The following CNTNAP2 variants were observed in gnomAD, a reference collection of about 807,000 sequenced individuals.
The protein encoded by CNTNAP2 is contactin-associated protein-like 2.
In CNTNAP2, 98 loss-of-function variants were observed where a neutral mutation model predicts 155.2. That is an observed-to-expected ratio of 0.63 (90% CI 0.54 to 0.75). The LOEUF (loss-of-function observed/expected upper bound fraction) is 0.75, where lower values mean the gene tolerates loss of function less well. CNTNAP2 is among the 30% of genes least tolerant of loss of function. The probability of loss-of-function intolerance (pLI) is 0.00; values close to 1 mark genes in which losing one functional copy is unlikely to be tolerated. For synonymous variants in CNTNAP2, 651 were observed against 631.2 expected, an observed-to-expected ratio of 1.03 and a Z score of -0.47; for missense variants, 1,727 against 1,688.1, an observed-to-expected ratio of 1.02 and a Z score of -0.40.
At chr7:146,888,213 C>A (rs961283046) in intron 3 of CNTNAP2, among the ~76,000 whole-genome samples, 18 of 152,008 alleles carry the variant, frequency 1.2e-4, no homozygotes, top group Admixed American at 4.6e-4. Context: ...ATTTAACCTT[C>A]ATTAAATATA....
In CNTNAP2 at chr7:146,839,731, T is replaced by A. The variant is rs763922715; in HGVS notation, c.229T>A (p.Ser77Thr). 6 of 1,614,192 alleles carry A rather than the reference T, an allele frequency of 3.7e-6. No individual in the cohort carries two copies. The highest frequency in any genetic ancestry group is 5.1e-6 in the Non-Finnish European group (6 of 1,180,030). Residue 77 changes from serine to threonine, a missense_variant, in exon 3 of 24, where the codon TCA (serine) becomes ACA (threonine). Ser to Thr is a moderately conservative substitution (Grantham distance 58, BLOSUM62 1). Coordinates refer to ENST00000361727, the MANE Select transcript of CNTNAP2 (RefSeq NM_014141.6). The part of the protein sequence containing the change: ...KRGGAGGWSP[S>T]DSDHYQWLQV... ...TTCAGGTGCTGGGGGATGGTCTCCA[T>A]CAGACAGCGACCATTATCAATGGCT...
intron 3 of CNTNAP2, among the ~76,000 whole-genome samples, chr7:146,926,449 A>T (rs910019566): frequency 6.6e-6 from 1 of 152,096 alleles, no homozygotes; most frequent in Non-Finnish European, 1.5e-5. Flanking sequence ...AAACTTTTCC[A>T]TGAATTAGAC....
intron 1 of CNTNAP2, among the ~76,000 whole-genome samples, chr7:146,422,872 A>C (rs1796032465): frequency 2.0e-5 from 3 of 152,148 alleles, no homozygotes; most frequent in Admixed American, 2.0e-4. Context: ...AATTAATTAA[A>C]ATATGCCTTA....
intron 1 of CNTNAP2, among the ~76,000 whole-genome samples, chr7:146,723,932 T>G (rs956694553): frequency 1.3e-5 from 2 of 152,182 alleles, no homozygotes; most frequent in African/African-American, 4.8e-5. Context: ...TTTAATTTAT[T>G]GAGGCTTTTT....
chr7:147,870,469 G>T (rs1209941408), intron 13 of CNTNAP2, among the ~76,000 whole-genome samples: 2 of 152,110 alleles, frequency 1.3e-5, no homozygotes, highest in African/African-American at 2.4e-5. Context: ...TTGATGTGGT[G>T]GTGGATCCCA....
At chr7:146,854,912 C>T (rs1794947643) in intron 3 of CNTNAP2, among the ~76,000 whole-genome samples, 2 of 151,866 alleles carry the variant, frequency 1.3e-5, no homozygotes, top group South Asian at 4.1e-4. Context: ...GGATGAATGC[C>T]TAAATTTATT....
intron 1 of CNTNAP2, among the ~76,000 whole-genome samples, chr7:146,395,392 C>T (rs569660639): frequency 4.6e-5 from 7 of 152,118 alleles, no homozygotes; most frequent in African/African-American, 1.4e-4. Flanking sequence ...TTCAAATAAG[C>T]GGTAGTTTAC....
chr7:147,744,434 T>C (rs1401409436), intron 13 of CNTNAP2, among the ~76,000 whole-genome samples: 2 of 152,338 alleles, frequency 1.3e-5, no homozygotes, highest in East Asian at 3.9e-4. Flanking sequence ...TTCAACTTTA[T>C]ATGCCAGTGG....
intron 1 of CNTNAP2, among the ~76,000 whole-genome samples, chr7:146,594,001 G>A (rs891142388): frequency 6.6e-6 from 1 of 152,110 alleles, no homozygotes; most frequent in Non-Finnish European, 1.5e-5. Flanking sequence ...TCCAGGTGAT[G>A]TGAAGGGAAT....
chr7:147,587,401 C>T (rs1800651277), intron 12 of CNTNAP2, among the ~76,000 whole-genome samples: 2 of 152,174 alleles, frequency 1.3e-5, no homozygotes, highest in Admixed American at 6.5e-5. Context: ...AGCCAGACAA[C>T]ACATGCAATT....
intron 15 of CNTNAP2, among the ~76,000 whole-genome samples, chr7:148,026,081 C>A (rs1802369790): frequency 6.6e-6 from 1 of 152,090 alleles, no homozygotes; most frequent in Non-Finnish European, 1.5e-5. Flanking sequence ...TCCCTTAGGA[C>A]AAAGCAGGCA....
At chr7:147,818,921 T>A (rs748424176) in intron 13 of CNTNAP2, among the ~76,000 whole-genome samples, 1 of 152,148 alleles carries the variant, frequency 6.6e-6, no homozygotes, top group Non-Finnish European at 1.5e-5. Context: ...TAAAATAATA[T>A]CCTTCAAGGT....
At chr7:148,198,145 C>T (rs1306238969) in intron 18 of CNTNAP2, among the ~76,000 whole-genome samples, 1 of 152,180 alleles carries the variant, frequency 6.6e-6, no homozygotes, top group East Asian at 1.9e-4. Flanking sequence ...GGGACTGACC[C>T]AAGCCTGTAG....
At chr7:148,138,449 G>A (rs967502352) in intron 16 of CNTNAP2, among the ~76,000 whole-genome samples, 1 of 152,068 alleles carries the variant, frequency 6.6e-6, no homozygotes, top group Non-Finnish European at 1.5e-5. Context: ...TTGATGAACT[G>A]GCTCTCTCTG....
intron 15 of CNTNAP2, among the ~76,000 whole-genome samples, chr7:148,005,538 C>A (rs546781671): frequency 6.6e-6 from 1 of 151,994 alleles, no homozygotes; most frequent in African/African-American, 2.4e-5. Context: ...GTCTGCTCAC[C>A]GGCCCTGCAT....
intron 1 of CNTNAP2, among the ~76,000 whole-genome samples, chr7:146,192,334 C>T (rs1178546754): frequency 6.6e-6 from 1 of 152,182 alleles, no homozygotes; most frequent in Non-Finnish European, 1.5e-5. Context: ...TCACAACATA[C>T]TGCTAAATCA....
At chr7:147,571,301 G>C (rs1800286374) in intron 12 of CNTNAP2, among the ~76,000 whole-genome samples, 1 of 120,364 alleles carries the variant, frequency 8.3e-6, no homozygotes, top group Non-Finnish European at 1.6e-5. Flanking sequence ...CCCCAGAAGT[G>C]TGATGTTCCC....
chr7:146,533,740 CTGT>C (rs1475680838), intron 1 of CNTNAP2, among the ~76,000 whole-genome samples: 1 of 152,054 alleles, frequency 6.6e-6, no homozygotes, highest in Non-Finnish European at 1.5e-5. Context: ...GATCCCATTG[CTGT>C]TATGATTCCA....
intron 1 of CNTNAP2, among the ~76,000 whole-genome samples, chr7:146,204,917 A>G (rs936101611): frequency 1.3e-5 from 2 of 152,054 alleles, no homozygotes; most frequent in Non-Finnish European, 2.9e-5. Flanking sequence ...CATAAAATGT[A>G]TAAAATATAC....
Sources: allele counts gnomAD v4.1 joint callset (sites outside exome capture counted in the v4.1 genomes callset), GRCh38; gene constraint gnomAD v4.1.1; transcripts MANE v1.5; gene names NCBI Gene and HGNC (gene_info 2026-07-23, HGNC 2026-07-21).